The following GSK3B variants were observed in gnomAD, a reference collection of about 807,000 sequenced individuals.
GSK3B encodes glycogen synthase kinase 3 beta.
GSK3B carries 15 observed loss-of-function variants against 56.4 expected under a neutral mutation model. That is an observed-to-expected ratio of 0.27 (90% CI 0.18 to 0.41). The LOEUF (loss-of-function observed/expected upper bound fraction) is 0.41. GSK3B is among the 10% of genes least tolerant of loss of function. The probability of loss-of-function intolerance (pLI) is 1.00; values close to 1 mark genes in which losing one functional copy is unlikely to be tolerated. For missense variants in GSK3B, 300 were observed against 513.4 expected (o/e 0.58, Z 4.02); for synonymous variants, 181 against 188.9 (o/e 0.96, Z 0.34).
At chr3:119,990,098 C>G (rs143112121) in intron 2 of GSK3B, among the ~76,000 whole-genome samples, 1 of 152,142 alleles carries the variant, frequency 6.6e-6, no homozygotes, top group South Asian at 2.1e-4. Context: ...TGACCATAAA[C>G]CACAAATAAC....
At chr3:119,995,586 A>G (rs2057608552) in intron 2 of GSK3B, among the ~76,000 whole-genome samples, 1 of 145,834 alleles carries the variant, frequency 6.9e-6, no homozygotes, top group Middle Eastern at 4.0e-3. Context: ...TGCCTCAGTC[A>G]CCGTGCCCAG....
chr3:120,007,738 C>T (rs979137689), intron 1 of GSK3B, among the ~76,000 whole-genome samples: 2 of 152,194 alleles, frequency 1.3e-5, no homozygotes, highest in African/African-American at 4.8e-5. Flanking sequence ...TAAAAACTTT[C>T]AATAAACTTG....
chr3:119,872,345 T>G (rs538010542), intron 8 of GSK3B, among the ~76,000 whole-genome samples: 1 of 152,112 alleles, frequency 6.6e-6, no homozygotes, highest in South Asian at 2.1e-4. Flanking sequence ...GCCACCCAAA[T>G]TGGGACCTTC....
chr3:119,904,879 A>G (rs944611171), intron 7 of GSK3B, among the ~76,000 whole-genome samples: 2 of 152,020 alleles, frequency 1.3e-5, no homozygotes, highest in African/African-American at 4.8e-5. Flanking sequence ...ACAAAGCCCC[A>G]GAGACAGTAG....
At chr3:119,895,715 A>G (rs559748548) in intron 7 of GSK3B, among the ~76,000 whole-genome samples, 2 of 152,168 alleles carry the variant, frequency 1.3e-5, no homozygotes, top group Non-Finnish European at 2.9e-5. Context: ...ATCAATTGAC[A>G]ATAAATATAA....
chr3:120,029,485 G>T (rs2057957389), intron 1 of GSK3B: 3 of 671,692 alleles, frequency 4.5e-6, no homozygotes, highest in Admixed American at 2.0e-5. Flanking sequence ...TTATCTGCAG[G>T]TGTTATTTCC....
chr3:120,080,549 G>A (rs958235141), intron 1 of GSK3B, among the ~76,000 whole-genome samples: 5 of 151,978 alleles, frequency 3.3e-5, no homozygotes, highest in South Asian at 2.1e-4. Context: ...AATTAGTTTC[G>A]GCCAGGTGCA....
intron 1 of GSK3B, among the ~76,000 whole-genome samples, chr3:120,074,958 C>G (rs115086854): frequency 1.5e-3 from 229 of 152,236 alleles, no homozygotes; most frequent in Middle Eastern, 3.4e-3. Flanking sequence ...AAACTACAGG[C>G]CAGTATCTCT....
chr3:120,071,086 T>C (rs2058322812), intron 1 of GSK3B, among the ~76,000 whole-genome samples: 1 of 152,206 alleles, frequency 6.6e-6, no homozygotes, highest in Admixed American at 6.5e-5. Context: ...TGGCAGTCCT[T>C]TGAGGGATGC....
At chr3:119,847,534 C>A (rs943194041) in intron 9 of GSK3B, among the ~76,000 whole-genome samples, 6 of 151,968 alleles carry the variant, frequency 3.9e-5, no homozygotes, top group Non-Finnish European at 7.4e-5. Context: ...GAAAAAAAAA[C>A]CCACATGACA....
intron 10 of GSK3B, among the ~76,000 whole-genome samples, chr3:119,833,464 A>C (rs1433130442): frequency 2.6e-5 from 4 of 152,186 alleles, no homozygotes; most frequent in African/African-American, 9.7e-5. Flanking sequence ...CTAATATAGT[A>C]GCTGCTAACT....
At chr3:120,025,791 A>G (rs2057918091) in intron 1 of GSK3B, among the ~76,000 whole-genome samples, 1 of 152,220 alleles carries the variant, frequency 6.6e-6, no homozygotes, top group Admixed American at 6.5e-5. Context: ...TGCGGCAGAG[A>G]GGCAGAAGAT....
rs1299887852 is a variant in GSK3B, at chr3:119,863,578, C to A, written c.937G>T (p.Ala313Ser). The A allele has an allele frequency of 6.2e-7, 1 of 1,612,740 alleles. No homozygotes were observed. Among genetic ancestry groups the A allele is most frequent in the East Asian group, 2.2e-5 (1 of 44,870 alleles). Residue 313 changes from alanine (A) to serine (S), a missense_variant, in exon 9 of 11, where the codon GCA becomes TCA. By Grantham distance (99) the Ala-to-Ser change is moderately conservative (BLOSUM62 1). Coordinates refer to ENST00000264235, the MANE Select transcript of GSK3B (RefSeq NM_001146156.2). The stretch of plus-strand genomic sequence containing the variant: ...AGCAGACGGCTACACAGTGCAATTG[C>A]CTCCGGTGGAGTTCGGGGTCGGAAG... ...KVFRPRTPPE[A>S]IALCSRLLEY...
chr3:119,926,491 G>A (rs879527475), intron 3 of GSK3B, among the ~76,000 whole-genome samples: 1 of 152,016 alleles, frequency 6.6e-6, no homozygotes, highest in African/African-American at 2.4e-5. Context: ...CACCTTTCAC[G>A]TGGATTACTG....
At chr3:120,064,608 C>G (rs937374000) in intron 1 of GSK3B, among the ~76,000 whole-genome samples, 4 of 152,054 alleles carry the variant, frequency 2.6e-5, no homozygotes, top group African/African-American at 9.7e-5. Context: ...AAATTCAACT[C>G]AATCCCTACC....
At chr3:119,846,664 A>C (rs765757046) in intron 9 of GSK3B, among the ~76,000 whole-genome samples, 2 of 152,242 alleles carry the variant, frequency 1.3e-5, no homozygotes, top group African/African-American at 2.4e-5. Context: ...GATGTGGAGA[A>C]ACAAGAATGC....
At chr3:119,935,898 G>A (rs1053905704) in intron 3 of GSK3B, among the ~76,000 whole-genome samples, 2 of 152,086 alleles carry the variant, frequency 1.3e-5, no homozygotes, top group East Asian at 3.8e-4. Context: ...TACACACTAT[G>A]ACCCAAGTGA....
At chr3:119,951,499 AG>A (rs981921314) in intron 2 of GSK3B, among the ~76,000 whole-genome samples, 1 of 152,202 alleles carries the variant, frequency 6.6e-6, no homozygotes, top group African/African-American at 2.4e-5. Context: ...TGAACCCAGG[AG>A]GTGGAGCCTG....
At chr3:120,062,667 T>C (rs1021643396) in intron 1 of GSK3B, among the ~76,000 whole-genome samples, 5 of 152,104 alleles carry the variant, frequency 3.3e-5, no homozygotes, top group Non-Finnish European at 5.9e-5. Context: ...AATGAGGAGG[T>C]AGTCGCTGTC....
Sources: gnomAD v4.1 joint callset for allele counts (sites outside exome capture counted in the v4.1 genomes callset) on GRCh38, gnomAD v4.1.1 for gene constraint, MANE v1.5 for transcripts, NCBI Gene and HGNC (gene_info 2026-07-23, HGNC 2026-07-21) for gene names.